DCUN1D4: variants seen among roughly 807,000 people sequenced by gnomAD.
DCUN1D4 encodes the protein defective in cullin neddylation 1 domain containing 4, also known as DCN1-like protein 4.
A neutral mutation model predicts 47.9 loss-of-function variants in DCUN1D4; 22 were observed. That is an observed-to-expected ratio of 0.46 (90% confidence interval 0.33 to 0.66). The LOEUF (loss-of-function observed/expected upper bound fraction) is 0.66, where lower values mean the gene tolerates loss of function less well. Ranked by LOEUF, DCUN1D4 falls within the 30% of genes least tolerant of loss-of-function variation. The pLI, the probability that DCUN1D4 is intolerant of heterozygous loss-of-function variation, is 0.02. For missense variants in DCUN1D4, 301 were observed against 340.8 expected (o/e 0.88, Z 0.92); for synonymous variants, 121 against 112.2 (o/e 1.08, Z -0.50).
chr4:51,861,790 G>T (rs541982504), intron 1 of DCUN1D4, among the ~76,000 whole-genome samples: 1 of 152,254 alleles, frequency 6.6e-6, no homozygotes, highest in South Asian at 2.1e-4. Flanking sequence ...AGTACAAAAA[G>T]GGGGCTATGG....
chr4:51,907,331 A>G (rs1305308178), intron 8 of DCUN1D4, among the ~76,000 whole-genome samples: 3 of 152,250 alleles, frequency 2.0e-5, no homozygotes, highest in Middle Eastern at 6.3e-3. Context: ...CTCCCGTTCA[A>G]AAAATTATTT....
rs920586738 is a variant in DCUN1D4 at position 51,844,807 on chromosome 4, G to A, written c.25+1540G>A. ...CTTGTAGTCGCGGCCGCGCCCGGCC[G>A]CGGTTGGGTTGGGTGCACGTGGGTA... is the stretch of plus-strand genomic sequence containing the variant. On this transcript the variant is annotated intron_variant, in intron 1 of 10. Coordinates refer to ENST00000334635, the MANE Select transcript of DCUN1D4 (RefSeq NM_001040402.3). 5 of 984,842 alleles carry A rather than the reference G, an allele frequency of 5.1e-6. No homozygotes were observed. In the Admixed American group the frequency reaches 2.5e-4, roughly 48 times the overall value. The allele number at this position is 984,842 out of a possible 1,614,324, so 61.0% of individuals were successfully genotyped here. A position where few individuals can be genotyped will look rare whatever the true frequency, so the allele number is the denominator to read the frequency against.
rs1383091295 is a variant in DCUN1D4 at position 51,863,466 on chromosome 4, C to T, written c.55C>T (p.Leu19=). The T allele has an allele frequency of 1.9e-6, 3 of 1,612,898 alleles. No individual in the cohort carries two copies. The highest frequency in any genetic ancestry group is 1.7e-5 in the Admixed American group (1 of 59,858). The change falls in exon 2 of 11, where the codon CTG becomes TTG. Residue 19 remains leucine, a synonymous_variant. Transcript: ENST00000334635. ...TCAGCTGAACTCTCATCTCTCAACA[C>T]TGGCAAATATTCATAAGATCTACCA... ...NFQLNSHLST[L]ANIHKIYHTL...
At position 51,874,070 on chromosome 4, in the gene DCUN1D4, A is replaced by G. The variant is rs1055871030; in HGVS notation, c.137-201A>G. Among the ~76,000 whole-genome samples, 6 of 152,324 alleles carry G rather than the reference A, an allele frequency of 3.9e-5. No individual in the cohort carries two copies. In the East Asian group the frequency reaches 9.6e-4, roughly 24 times the overall value. Reference sequence around the variant, plus strand: ...GTGATTTGGGTTGGTGGAAGTATTAACTTATTTGTGTCGTCGCTAGGTTTA... The same window carrying G: ...GTGATTTGGGTTGGTGGAAGTATTAGCTTATTTGTGTCGTCGCTAGGTTTA... On this transcript the variant is annotated intron_variant, in intron 3 of 10. Coordinates refer to ENST00000334635, the MANE Select transcript of DCUN1D4 (RefSeq NM_001040402.3).
chr4:51,864,614 G>T (rs1270225566), intron 3 of DCUN1D4, among the ~76,000 whole-genome samples: 1 of 152,124 alleles, frequency 6.6e-6, no homozygotes, highest in African/African-American at 2.4e-5. Context: ...CTCACTGATG[G>T]TGCCTCTTGC....
chr4:51,849,533 G>A (rs1348945494), intron 1 of DCUN1D4, among the ~76,000 whole-genome samples: 1 of 152,186 alleles, frequency 6.6e-6, no homozygotes, highest in South Asian at 2.1e-4. Flanking sequence ...CTTGTGAAGA[G>A]CAGTGATGTA....
chr4:51,868,318 T>A (rs1726302244), intron 3 of DCUN1D4, among the ~76,000 whole-genome samples: 1 of 152,108 alleles, frequency 6.6e-6, no homozygotes, highest in African/African-American at 2.4e-5. Context: ...CTCCGTGGAG[T>A]GTGCAGCCCC....
chr4:51,898,379 T>C (rs920918495), intron 7 of DCUN1D4, among the ~76,000 whole-genome samples: 1 of 152,164 alleles, frequency 6.6e-6, no homozygotes, highest in African/African-American at 2.4e-5. Context: ...TTACCGCTAG[T>C]GGACTTGGTC....
chr4:51,907,272 A>G (rs1003015404), intron 8 of DCUN1D4, among the ~76,000 whole-genome samples: 11 of 152,242 alleles, frequency 7.2e-5, no homozygotes, highest in African/African-American at 2.7e-4. Flanking sequence ...CCTTGCAAAC[A>G]TTGTTGTCTC....
chr4:51,910,923 C>T lies in DCUN1D4; in HGVS notation c.616-147C>T, dbSNP rs1733632542. The T allele has an allele frequency of 8.4e-6, 6 of 718,428 alleles. No individual in the cohort carries two copies. The South Asian group carries it at 8.9e-5, about 11-fold the overall frequency. The allele number at this position is 718,428 out of a possible 1,614,324, so 44.5% of individuals were successfully genotyped here. On this transcript the variant is annotated intron_variant, in intron 8 of 10. Coordinates refer to ENST00000334635, the MANE Select transcript of DCUN1D4 (RefSeq NM_001040402.3). ...CATTGTGTTTGACTACCTCCCCTCC[C>T]TAACCTTAGTCTGGATGCAGGGTCT...
At chr4:51,874,408 C>T in intron 4 of DCUN1D4, 23 bp downstream of exon 4, 1 of 1,550,534 alleles carries the variant, frequency 6.4e-7, no homozygotes, top group Non-Finnish European at 8.9e-7. Flanking sequence ...GACAGTAGAT[C>T]AGAATCAGTG....
At chr4:51,839,362 A>T (rs1721575552), upstream of DCUN1D4, among the ~76,000 whole-genome samples, 1 of 152,226 alleles carries the variant, frequency 6.6e-6, no homozygotes, top group South Asian at 2.1e-4. Flanking sequence ...GAAGCTCTTG[A>T]AGCTTCAGTT....
chr4:51,877,267 A>C (rs1727856766), intron 4 of DCUN1D4, among the ~76,000 whole-genome samples: 1 of 152,040 alleles, frequency 6.6e-6, no homozygotes, highest in African/African-American at 2.4e-5. Flanking sequence ...TTTTTCCCGG[A>C]AGCTTGGACA....
intron 8 of DCUN1D4, among the ~76,000 whole-genome samples, chr4:51,903,155 G>A (rs1486133938): frequency 6.8e-6 from 1 of 146,334 alleles, no homozygotes; most frequent in Non-Finnish European, 1.5e-5. Context: ...TGTAGATCCA[G>A]ATTTCTATCT....
chr4:51,892,237 A>G (rs1289228198), intron 7 of DCUN1D4, among the ~76,000 whole-genome samples: 1 of 152,182 alleles, frequency 6.6e-6, no homozygotes, highest in Non-Finnish European at 1.5e-5. Flanking sequence ...AGTCCAACAT[A>G]TTTTCATTCC....
chr4:51,868,849 G>T (rs1169101952), intron 3 of DCUN1D4, among the ~76,000 whole-genome samples: 3 of 152,158 alleles, frequency 2.0e-5, no homozygotes, highest in Admixed American at 2.0e-4. Flanking sequence ...GCTGGGTGTG[G>T]TGGCTCACGC....
chr4:51,839,634 C>A (rs2109760733), upstream of DCUN1D4, among the ~76,000 whole-genome samples: 1 of 152,306 alleles, frequency 6.6e-6, no homozygotes, highest in South Asian at 2.1e-4. Context: ...ACCCACCTAG[C>A]CTGACATTTT....
At chr4:51,870,398 G>C (rs1281106169) in intron 3 of DCUN1D4, among the ~76,000 whole-genome samples, 1 of 151,970 alleles carries the variant, frequency 6.6e-6, no homozygotes, top group Non-Finnish European at 1.5e-5. Context: ...AATCCTATCT[G>C]CCAAGAAACT....
intron 6 of DCUN1D4, among the ~76,000 whole-genome samples, chr4:51,887,753 C>A (rs986048471): frequency 2.0e-5 from 3 of 152,098 alleles, no homozygotes; most frequent in Non-Finnish European, 2.9e-5. Context: ...TAGCAAAATT[C>A]ACATTTTTTT....
Sources: gnomAD v4.1 joint callset for allele counts (sites outside exome capture counted in the v4.1 genomes callset) on GRCh38, gnomAD v4.1.1 for gene constraint, MANE v1.5 for transcripts, NCBI Gene and HGNC (gene_info 2026-07-23, HGNC 2026-07-21) for gene names.